Variants in NUCB2 observed in about 807,000 individuals in gnomAD.
NUCB2 encodes nucleobindin-2.
NUCB2 carries 48 observed loss-of-function variants against 57.9 expected under a neutral mutation model. The ratio of observed to expected loss-of-function variants is 0.83; its 90% CI spans 0.66 to 1.05. The LOEUF (loss-of-function observed/expected upper bound fraction) is 1.05. Among genes scored for constraint, NUCB2 ranks in the 50% least tolerant of loss-of-function variants. The pLI is 0.00. For missense variants in NUCB2, 442 were observed against 476.2 expected (o/e 0.93, Z 0.67); for synonymous variants, 139 against 152.1 (o/e 0.91, Z 0.64).
rs1040922309 is a variant in NUCB2 at position 17,311,064 on chromosome 11, C to G, written c.669+54C>G. On this transcript the variant is annotated intron_variant, in intron 7 of 13. Transcript: ENST00000529010. ...TTTAGATAAAGATACTTCTTCGTAT[C>G]AGCGGATTTTTATTGTGTTATTAGT... 7.5e-6 allele frequency: 11 copies of G among 1,468,916 alleles called. No individual in the cohort carries two copies. The African/African-American group carries it at 1.6e-4, about 21-fold the overall frequency. The allele number at this position is 1,468,916 out of a possible 1,614,324, so 91.0% of individuals were successfully genotyped here.
chr11:17,297,765 T>C (rs1946056067), intron 4 of NUCB2, among the ~76,000 whole-genome samples: 1 of 151,978 alleles, frequency 6.6e-6, no homozygotes, highest in Non-Finnish European at 1.5e-5. Context: ...GGAACCAAAA[T>C]GAAGTTAAAC....
chr11:17,306,204 G>A (rs765391794), intron 5 of NUCB2, among the ~76,000 whole-genome samples: 1 of 152,122 alleles, frequency 6.6e-6, no homozygotes, highest in Non-Finnish European at 1.5e-5. Context: ...CCTCCCATAG[G>A]TTGGTTATCT....
At chr11:17,331,311 G>C in intron 13 of NUCB2, 101 bp from the exon 14 acceptor site, 1 of 586,570 alleles carries the variant, frequency 1.7e-6, no homozygotes, top group Admixed American at 3.6e-5. Context: ...TCTATGATTA[G>C]CTAAGCATAT....
At chr11:17,345,153 A>G (rs1952612059) in intron 2 of NUCB2, among the ~76,000 whole-genome samples, 1 of 152,166 alleles carries the variant, frequency 6.6e-6, no homozygotes, top group South Asian at 2.1e-4. Flanking sequence ...ATGGAAGACC[A>G]TTCAGTATCT....
Position 17,301,611 on chromosome 11 carries a change from T to G in NUCB2, c.253-133T>G. 7.1e-6 allele frequency: 4 copies of G among 566,112 alleles called. 1 individual carries two copies. In the South Asian group the frequency reaches 1.3e-4, roughly 19 times the overall value. 35.1% of individuals were successfully genotyped at this position (566,112 alleles called of 1,614,324 possible). A position where few individuals can be genotyped will look rare whatever the true frequency, so the allele number is the denominator to read the frequency against. On this transcript the variant is annotated intron_variant, in intron 4 of 13. Coordinates refer to ENST00000529010, the MANE Select transcript of NUCB2 (RefSeq NM_005013.4). ...TAATATCTTTTGAAAGAAATTCTTT[T>G]TATAATATTAAATTTATCTAAATTA...
At chr11:17,282,236 C>CTATCTATCTATCTA (rs370686689) in intron 1 of NUCB2, among the ~76,000 whole-genome samples, 2 of 104,086 alleles carry the variant, frequency 1.9e-5, no homozygotes. Context: ...ATCTATCTAT[C>CTATCTATCTATCTA]TATATATATA....
Position 17,319,022 on chromosome 11 carries a change from T to A in NUCB2, c.1002+3547T>A, listed in dbSNP as rs192728644. Reference sequence around the variant, plus strand: ...CCTGTCTCTAAAAAGAAAAAAAAAATTTTTTTAAAATACTTTGAGAATATG... The same window carrying A: ...CCTGTCTCTAAAAAGAAAAAAAAAAATTTTTTAAAATACTTTGAGAATATG... On this transcript the variant is annotated intron_variant, in intron 11 of 13. Transcript: ENST00000529010. 3.3e-3 allele frequency among the ~76,000 whole-genome samples: 494 copies of A among 151,892 alleles called. 2 individuals are homozygous for A. The highest frequency in any genetic ancestry group is 7.4e-3 in the African/African-American group (305 of 41,448).
chr11:17,338,155 T>C (rs1240419566), intron 2 of NUCB2, among the ~76,000 whole-genome samples: 2 of 152,214 alleles, frequency 1.3e-5, no homozygotes, highest in Non-Finnish European at 2.9e-5. Context: ...ACCTGTTTAT[T>C]GAGACAAAAG....
chr11:17,314,726 C>G (rs1948995064), intron 10 of NUCB2, among the ~76,000 whole-genome samples: 1 of 152,160 alleles, frequency 6.6e-6, no homozygotes, highest in Non-Finnish European at 1.5e-5. Context: ...AACTGAATCC[C>G]ACTATTTTGC....
At chr11:17,300,424 A>G (rs531394642) in intron 4 of NUCB2, among the ~76,000 whole-genome samples, 160 of 152,294 alleles carry the variant, frequency 1.1e-3, no homozygotes, top group African/African-American at 3.7e-3. Context: ...ATTAAGCTGT[A>G]ACTCCTAATT....
At chr11:17,345,885 G>A (rs1226749896) in intron 2 of NUCB2, among the ~76,000 whole-genome samples, 1 of 152,022 alleles carries the variant, frequency 6.6e-6, no homozygotes, top group Non-Finnish European at 1.5e-5. Flanking sequence ...TAGAGAATCA[G>A]AAAAACAGAG....
chr11:17,330,045 G>C lies in NUCB2; in HGVS notation c.1003-82G>C. The C allele has an allele frequency of 1.3e-6, 1 of 748,698 alleles. No homozygotes were observed. The highest frequency in any genetic ancestry group is 2.8e-5 in the East Asian group (1 of 36,134). 46.4% of individuals were successfully genotyped at this position (748,698 alleles called of 1,614,324 possible). A position where few individuals can be genotyped will look rare whatever the true frequency, so the allele number is the denominator to read the frequency against. ...TCCTATAGATACTCTTTTATACTTT[G>C]CTAACCATAGAATTTTAAAGCTAAA... is the stretch of plus-strand genomic sequence containing the variant. On this transcript the variant is annotated intron_variant, in intron 11 of 13. Coordinates refer to ENST00000529010, the MANE Select transcript of NUCB2 (RefSeq NM_005013.4). This position sits in a 1 kb window ranked among gnomAD's most constrained non-coding sequence, Gnocchi z 4.3.
At chr11:17,342,593 G>A (rs576791983) in intron 2 of NUCB2, among the ~76,000 whole-genome samples, 162 of 150,510 alleles carry the variant, frequency 1.1e-3, no homozygotes, top group Admixed American at 2.4e-3. Context: ...TCAGGAGCAG[G>A]TTGTTCAGTT....
At chr11:17,324,027 A>T (rs1301448475) in intron 11 of NUCB2, among the ~76,000 whole-genome samples, 2 of 152,134 alleles carry the variant, frequency 1.3e-5, no homozygotes, top group East Asian at 1.9e-4. Context: ...TTTTTGTTTC[A>T]TTGATCTTTT....
intron 11 of NUCB2, among the ~76,000 whole-genome samples, chr11:17,316,058 C>T (rs562444691): frequency 1.9e-4 from 29 of 151,988 alleles, no homozygotes; most frequent in Non-Finnish European, 4.1e-4. Context: ...CTGCAACCTC[C>T]GCCTCCCAGA....
intron 10 of NUCB2, among the ~76,000 whole-genome samples, chr11:17,313,175 A>C (rs961761400): frequency 6.6e-6 from 1 of 152,010 alleles, no homozygotes; most frequent in Non-Finnish European, 1.5e-5. Flanking sequence ...GAATAAAATA[A>C]TTTGTAACTA....
downstream of NUCB2, among the ~76,000 whole-genome samples, chr11:17,335,746 C>T (rs1020639778): frequency 2.0e-5 from 3 of 152,276 alleles, no homozygotes; most frequent in Non-Finnish European, 2.9e-5. Context: ...GTGATCCACC[C>T]GCCTTGGCCT....
At chr11:17,340,665 T>A (rs1332516308) in intron 2 of NUCB2, among the ~76,000 whole-genome samples, 3 of 152,208 alleles carry the variant, frequency 2.0e-5, no homozygotes, top group Non-Finnish European at 2.9e-5. Context: ...GTTGTAGATA[T>A]GCGGCATTAT....
chr11:17,279,946 C>T (rs922377500), intron 1 of NUCB2, among the ~76,000 whole-genome samples: 4 of 152,030 alleles, frequency 2.6e-5, no homozygotes, highest in Non-Finnish European at 5.9e-5. Flanking sequence ...CATGCCACCA[C>T]ACCCTGCTAA....
Sources: gnomAD v4.1 joint callset for allele counts (sites outside exome capture counted in the v4.1 genomes callset) on GRCh38, gnomAD v4.1.1 for gene constraint, Gnocchi (gnomAD v3.1) non-coding constraint, MANE v1.5 for transcripts, NCBI Gene and HGNC (gene_info 2026-07-23, HGNC 2026-07-21) for gene names.